SPECC1: variants seen among roughly 807,000 people sequenced by gnomAD.
SPECC1 encodes sperm antigen with calponin homology and coiled-coil domains 1.
A neutral mutation model predicts 104.1 loss-of-function variants in SPECC1; 62 were observed. The ratio of observed to expected loss-of-function variants is 0.60; its 90% CI spans 0.49 to 0.74. SPECC1 has a LOEUF of 0.74. Ranked by LOEUF, SPECC1 falls within the 30% of genes least tolerant of loss-of-function variation. The probability of loss-of-function intolerance (pLI) is 0.00; values close to 1 mark genes in which losing one functional copy is unlikely to be tolerated. For synonymous variants in SPECC1, 513 were observed against 501.6 expected (o/e 1.02, Z -0.30); for missense variants, 1,306 against 1,310.5 (o/e 1.00, Z 0.05).
intron 12 of SPECC1, among the ~76,000 whole-genome samples, chr17:20,284,382 TG>T (rs1261113440): frequency 6.6e-6 from 1 of 152,256 alleles, no homozygotes; most frequent in African/African-American, 2.4e-5. Context: ...GGAGTCTATG[TG>T]CAGGTCTCCA....
chr17:20,282,155 GA>G (rs1270515817), intron 12 of SPECC1, among the ~76,000 whole-genome samples: 2 of 152,256 alleles, frequency 1.3e-5, no homozygotes, highest in African/African-American at 4.8e-5. Context: ...CGTGGGTGGG[GA>G]CTTCTGAGTG....
In SPECC1 at chr17:20,257,456, C is replaced by T. The variant is rs764182378; in HGVS notation, c.2686C>T (p.Leu896=). 6.4e-7 allele frequency: 1 copy of T among 1,570,624 alleles called. No individual in the cohort carries two copies. The highest frequency in any genetic ancestry group is 2.2e-5 in the Admixed American group (1 of 46,414). Residue 896 remains leucine, a synonymous_variant, in exon 11 of 15, where the codon CTA becomes TTA. Transcript: ENST00000395527. ...DLPDLPLSDI[L]KGRTETLKPD... is the part of the protein sequence containing the mutation. Reference sequence around the variant, plus strand: ...TTATGTGGTTGTTCCCACAGATATTCTAAAGGGAAGGACTGAGACCCTGAA... The same window carrying T: ...TTATGTGGTTGTTCCCACAGATATTTTAAAGGGAAGGACTGAGACCCTGAA...
chr17:20,243,173 T>C (rs1219438474), intron 7 of SPECC1, among the ~76,000 whole-genome samples: 1 of 152,220 alleles, frequency 6.6e-6, no homozygotes, highest in Admixed American at 6.5e-5. Flanking sequence ...TGTGTGATTA[T>C]TACTTTGCAG....
At chr17:20,221,913 T>C (rs745977955) in intron 4 of SPECC1, among the ~76,000 whole-genome samples, 1 of 152,166 alleles carries the variant, frequency 6.6e-6, no homozygotes, top group South Asian at 2.1e-4. Flanking sequence ...CATTCAGGAG[T>C]GTATTACTTA....
chr17:20,080,115 C>CA (rs2046909141), intron 1 of SPECC1, among the ~76,000 whole-genome samples: 1 of 152,050 alleles, frequency 6.6e-6, no homozygotes, highest in African/African-American at 2.4e-5. Flanking sequence ...GACTTAACCG[C>CA]AAGTGAGAAA....
At chr17:20,073,191 T>C (rs2046627606) in intron 1 of SPECC1, among the ~76,000 whole-genome samples, 1 of 152,214 alleles carries the variant, frequency 6.6e-6, no homozygotes, top group African/African-American at 2.4e-5. Flanking sequence ...TTCCTGGTTG[T>C]AGCCCGACTT....
At chr17:20,190,346 GT>G (rs1444804787) in intron 3 of SPECC1, among the ~76,000 whole-genome samples, 3 of 152,016 alleles carry the variant, frequency 2.0e-5, no homozygotes, top group African/African-American at 7.3e-5. Context: ...ATATACAGGG[GT>G]TAAAATAATG....
chr17:20,154,287 G>A (rs2032266581), intron 3 of SPECC1, among the ~76,000 whole-genome samples: 2 of 152,210 alleles, frequency 1.3e-5, no homozygotes, highest in African/African-American at 4.8e-5. Flanking sequence ...GAGGGTGTGT[G>A]CTGAGGGTCT....
intron 2 of SPECC1, among the ~76,000 whole-genome samples, chr17:20,099,806 T>G (rs2047854517): frequency 6.6e-6 from 1 of 151,934 alleles, no homozygotes; most frequent in African/African-American, 2.4e-5. Context: ...CTTCTCCCAT[T>G]GATAGGTTCA....
At chr17:20,311,373 ATT>A (rs749854561) in intron 14 of SPECC1, among the ~76,000 whole-genome samples, 14,337 of 146,358 alleles carry the variant, frequency 0.098, 1,181 homozygotes, top group African/African-American at 0.23. Flanking sequence ...CTTCCAGTAC[ATT>A]TTTTTTTTGT....
chr17:20,260,119 T>C, intron 11 of SPECC1, 73 bp from the exon 12 acceptor site: 1 of 1,247,974 alleles, frequency 8.0e-7, no homozygotes, highest in East Asian at 2.5e-5. Context: ...AAAGTAGGTA[T>C]TTATTTCTTG....
intron 12 of SPECC1, among the ~76,000 whole-genome samples, chr17:20,270,433 CAAAAAAAAAAAAA>C (rs71157863): frequency 4.8e-4 from 21 of 43,574 alleles, no homozygotes; most frequent in Admixed American, 4.7e-3. Flanking sequence ...CTGTCTTTAC[CAAAAAAAAAAAAA>C]AAAAAAAAAA....
chr17:20,223,435 G>A (rs959484345), intron 4 of SPECC1, among the ~76,000 whole-genome samples: 1 of 151,998 alleles, frequency 6.6e-6, no homozygotes, highest in African/African-American at 2.4e-5. Flanking sequence ...CAGCACTTTG[G>A]GAGGCCGGAG....
intron 3 of SPECC1, among the ~76,000 whole-genome samples, chr17:20,135,453 T>C (rs1366641514): frequency 6.6e-6 from 1 of 152,170 alleles, no homozygotes; most frequent in African/African-American, 2.4e-5. Flanking sequence ...AAATCAAATT[T>C]GTTTATGTAT....
chr17:20,020,685 C>T (rs1833462038), intron 1 of SPECC1, among the ~76,000 whole-genome samples: 1 of 152,208 alleles, frequency 6.6e-6, no homozygotes, highest in African/African-American at 2.4e-5. Flanking sequence ...TAATTATATT[C>T]TCATTCTTAG....
intron 12 of SPECC1, among the ~76,000 whole-genome samples, chr17:20,291,048 A>G (rs751706693): frequency 1.8e-4 from 28 of 152,254 alleles, no homozygotes; most frequent in Non-Finnish European, 3.8e-4. Flanking sequence ...GAAGGGAGCG[A>G]GGAAGGGTGA....
intron 1 of SPECC1, among the ~76,000 whole-genome samples, chr17:20,081,727 C>T (rs2046983242): frequency 6.6e-6 from 1 of 152,028 alleles, no homozygotes; most frequent in Non-Finnish European, 1.5e-5. Flanking sequence ...GCGTTCTGGG[C>T]GTCAGGATCC....
intron 3 of SPECC1, among the ~76,000 whole-genome samples, chr17:20,164,329 A>T (rs948901042): frequency 3.9e-5 from 6 of 151,920 alleles, no homozygotes; most frequent in Admixed American, 3.9e-4. Context: ...CCAGCTAATT[A>T]AAAAAAATTT....
intron 3 of SPECC1, among the ~76,000 whole-genome samples, chr17:20,169,594 A>G (rs751988542): frequency 6.6e-6 from 1 of 151,882 alleles, no homozygotes; most frequent in Non-Finnish European, 1.5e-5. Flanking sequence ...ATTGCGTTAT[A>G]TATAAAATAA....
Sources: gnomAD v4.1 joint callset for allele counts (sites outside exome capture counted in the v4.1 genomes callset) on GRCh38, gnomAD v4.1.1 for gene constraint, MANE v1.5 for transcripts, NCBI Gene and HGNC (gene_info 2026-07-23, HGNC 2026-07-21) for gene names.